CFH: variants seen among roughly 807,000 people sequenced by gnomAD.
The protein encoded by CFH is complement factor H.
In CFH, 53 loss-of-function variants were observed where a neutral mutation model predicts 147.3. The observed-to-expected ratio is 0.36, with a 90% CI of 0.29 to 0.45. The LOEUF (loss-of-function observed/expected upper bound fraction) is 0.45, where lower values mean the gene tolerates loss of function less well. Ranked by LOEUF, CFH falls within the 20% of genes least tolerant of loss-of-function variation. The pLI, the probability that CFH is intolerant of heterozygous loss-of-function variation, is 1.00. For synonymous variants in CFH, 536 were observed against 489.4 expected, an observed-to-expected ratio of 1.10 and a Z score of -1.26; for missense variants, 1,380 against 1,498.0, an observed-to-expected ratio of 0.92 and a Z score of 1.30.
At chr1:196,674,738 C>T (rs1667398640) in intron 3 of CFH, among the ~76,000 whole-genome samples, 1 of 152,068 alleles carries the variant, frequency 6.6e-6, no homozygotes, top group Non-Finnish European at 1.5e-5. Context: ...TAGTTTAAAG[C>T]TTAGTCACTG....
intron 9 of CFH, among the ~76,000 whole-genome samples, chr1:196,707,538 A>G (rs1420051288): frequency 1.3e-5 from 2 of 152,174 alleles, no homozygotes; most frequent in African/African-American, 4.8e-5. Flanking sequence ...AAACACAGTG[A>G]AAGAGGCCAT....
chr1:196,708,286 C>T (rs1480971000), intron 9 of CFH, among the ~76,000 whole-genome samples: 2 of 152,200 alleles, frequency 1.3e-5, no homozygotes, highest in Non-Finnish European at 2.9e-5. Flanking sequence ...TTGTCACTGA[C>T]TTTCTGGATG....
chr1:196,735,820 G>A (rs1465614241), intron 15 of CFH, among the ~76,000 whole-genome samples: 2 of 151,950 alleles, frequency 1.3e-5, no homozygotes, highest in African/African-American at 4.8e-5. Context: ...TTTATCATAA[G>A]CGAAAAAAGA....
intron 9 of CFH, among the ~76,000 whole-genome samples, chr1:196,703,808 C>A (rs980300156): frequency 6.6e-6 from 1 of 151,604 alleles, no homozygotes; most frequent in East Asian, 2.0e-4. Context: ...CACAGTGAAA[C>A]CCCGTCTCTG....
At chr1:196,709,633 C>T (rs1254827764) in intron 9 of CFH, among the ~76,000 whole-genome samples, 1 of 152,090 alleles carries the variant, frequency 6.6e-6, no homozygotes, top group African/African-American at 2.4e-5. Flanking sequence ...ATCAGCTTTC[C>T]ATTTGTCCAA....
At chr1:196,705,426 GC>G (rs1668564131) in intron 9 of CFH, among the ~76,000 whole-genome samples, 1 of 152,018 alleles carries the variant, frequency 6.6e-6, no homozygotes, top group Admixed American at 6.6e-5. Context: ...CTTATTTTGG[GC>G]TTATAGCAAA....
At chr1:196,682,748 ATAAAATAGTAAAATTT>A (rs1362731553) in intron 6 of CFH, among the ~76,000 whole-genome samples, 2 of 151,698 alleles carry the variant, frequency 1.3e-5, no homozygotes, top group Non-Finnish European at 3.0e-5. Context: ...ATATTTTTAC[ATAAAATAGTAAAATTT>A]TAAAATAGTA....
At chr1:196,657,187 C>G (rs2149067207) in intron 1 of CFH, among the ~76,000 whole-genome samples, 1 of 152,048 alleles carries the variant, frequency 6.6e-6, no homozygotes, top group Non-Finnish European at 1.5e-5. Flanking sequence ...GTGACATAAT[C>G]TCTATTCTGC....
At chr1:196,681,033 C>T (rs1457911795) in intron 6 of CFH, among the ~76,000 whole-genome samples, 7 of 151,948 alleles carry the variant, frequency 4.6e-5, no homozygotes, top group South Asian at 2.1e-4. Flanking sequence ...TCATGGCATT[C>T]GTAGTTCCTA....
At chr1:196,740,915 C>T (rs1652788780) in intron 18 of CFH, 123 bp downstream of exon 18, 14 of 997,450 alleles carry the variant, frequency 1.4e-5, no homozygotes, top group Non-Finnish European at 1.9e-5. Flanking sequence ...ATATTCTGGA[C>T]TGCTGTGGGA....
chr1:196,698,426 A>G (rs1668351169), intron 9 of CFH, among the ~76,000 whole-genome samples: 2 of 152,222 alleles, frequency 1.3e-5, no homozygotes, highest in African/African-American at 4.8e-5. Context: ...AACTACCATC[A>G]GAGAATACTA....
At chr1:196,702,216 C>T (rs1668474655) in intron 9 of CFH, among the ~76,000 whole-genome samples, 1 of 152,144 alleles carries the variant, frequency 6.6e-6, no homozygotes, top group African/African-American at 2.4e-5. Flanking sequence ...AGAGTCCCCA[C>T]CACCAAAAAG....
rs117572070 is a variant in CFH, at chr1:196,714,085, A to G, written c.1519+168A>G. Among the ~76,000 whole-genome samples the G allele has an allele frequency of 7.3e-4, 111 of 152,112 alleles. 1 individual carries two copies. The East Asian group carries it at 0.021, about 28-fold the overall frequency. ...TTTTTCCTTTTCACATTAATTACTC[A>G]GATATTAGTCTGTCTTTCCATTCAG... is the stretch of plus-strand genomic sequence containing the variant. On this transcript the variant is annotated intron_variant, in intron 10 of 21. Coordinates refer to ENST00000367429, the MANE Select transcript of CFH (RefSeq NM_000186.4).
intron 1 of CFH, among the ~76,000 whole-genome samples, chr1:196,654,099 G>T (rs188279418): frequency 4.6e-5 from 7 of 152,096 alleles, no homozygotes; most frequent in Admixed American, 1.3e-4. Context: ...CTTTGATCAT[G>T]AAAAATACTC....
chr1:196,669,046 G>A (rs2149074985), intron 1 of CFH, among the ~76,000 whole-genome samples: 1 of 152,278 alleles, frequency 6.6e-6, no homozygotes, highest in East Asian at 1.9e-4. Flanking sequence ...GGAATATGAA[G>A]TCCAGGCTGA....
At chr1:196,739,735 T>C (rs1652743226) in intron 17 of CFH, among the ~76,000 whole-genome samples, 1 of 152,164 alleles carries the variant, frequency 6.6e-6, no homozygotes, top group Non-Finnish European at 1.5e-5. Context: ...CCCCTCCAAA[T>C]GGTTCTAACC....
At position 196,738,896 on chromosome 1, in the gene CFH, C is replaced by G. The variant is rs187651014; in HGVS notation, c.2782+1236C>G. ...AGAGGTTCTCCATGTGGGCTCCCCC[C>G]TGCAGCAAACTTCTGCCTGGACATC... On this transcript the variant is annotated intron_variant, in intron 17 of 21. Transcript: ENST00000367429. Among the ~76,000 whole-genome samples, 3 of 152,358 alleles carry G rather than the reference C, an allele frequency of 2.0e-5. No individual in the cohort carries two copies. In the East Asian group the frequency reaches 5.8e-4, roughly 29 times the overall value.
chr1:196,728,504 C>A lies in CFH; in HGVS notation c.2395C>A (p.Pro799Thr), dbSNP rs753504670. 10 of 1,612,406 alleles carry A rather than the reference C, an allele frequency of 6.2e-6. No individual in the cohort carries two copies. The highest frequency in any genetic ancestry group is 8.5e-6 in the Non-Finnish European group (10 of 1,178,998). Residue 799 changes from proline to threonine, a missense_variant, in exon 15 of 22, where the codon CCA becomes ACA. Coordinates refer to ENST00000367429, the MANE Select transcript of CFH (RefSeq NM_000186.4). ...HTVCINGRWD[P>T]EVNCSMAQIQ... ...AGTCTGCATAAATGGAAGATGGGAT[C>A]CAGAAGTGAACTGCTCAAGTAAGCT...
At chr1:196,727,115 A>C (rs1420862585) in intron 14 of CFH, among the ~76,000 whole-genome samples, 175 bp downstream of exon 14, 2 of 152,176 alleles carry the variant, frequency 1.3e-5, no homozygotes, top group Non-Finnish European at 2.9e-5. Flanking sequence ...AGAAAGAAAA[A>C]ATAAAGCTAG....
Sources: gnomAD v4.1 joint callset for allele counts (sites outside exome capture counted in the v4.1 genomes callset) on GRCh38, gnomAD v4.1.1 for gene constraint, MANE v1.5 for transcripts, NCBI Gene and HGNC (gene_info 2026-07-23, HGNC 2026-07-21) for gene names.